MECR: variants seen among roughly 807,000 people sequenced by gnomAD.
MECR encodes the protein mitochondrial trans-2-enoyl-CoA reductase, also known as enoyl-[acyl-carrier-protein] reductase, mitochondrial.
MECR carries 37 observed loss-of-function variants against 49.1 expected under a neutral mutation model. That is an observed-to-expected ratio of 0.75 (90% CI 0.58 to 0.99). MECR has a LOEUF of 0.99. Ranked by LOEUF, MECR falls within the 50% of genes least tolerant of loss-of-function variation. MECR has a pLI of 0.00. For synonymous variants in MECR, 198 were observed against 191.1 expected (o/e 1.04, Z -0.30); for missense variants, 470 against 479.6 (o/e 0.98, Z 0.19).
At chr1:29,194,275 G>A (rs1673433829) in intron 9 of MECR, 96 bp from the exon 10 acceptor site, 1 of 1,364,270 alleles carries the variant, frequency 7.3e-7, no homozygotes, top group East Asian at 2.3e-5. Flanking sequence ...CTGGCACCAA[G>A]CTCCAATAAA....
the MECR span, among the ~76,000 whole-genome samples, chr1:29,174,185 C>T: frequency 7.7e-6 from 1 of 130,166 alleles, no homozygotes; most frequent in Non-Finnish European, 1.6e-5. Flanking sequence ...CAGATTGAGA[C>T]CCCATCTCAA....
At chr1:29,223,298 G>C in intron 1 of MECR, 1 of 985,414 alleles carries the variant, frequency 1.0e-6, no homozygotes, top group African/African-American at 1.7e-5. Context: ...GACAAAAGCA[G>C]GCAGAAGAAA....
At chr1:29,210,481 C>T (rs1019050584) in intron 3 of MECR, among the ~76,000 whole-genome samples, 12 of 152,190 alleles carry the variant, frequency 7.9e-5, no homozygotes, top group African/African-American at 2.9e-4. Context: ...TCTCAGCTAA[C>T]ACTTACTGTA....
the MECR span, among the ~76,000 whole-genome samples, chr1:29,185,002 T>C: frequency 6.7e-6 from 1 of 148,898 alleles, no homozygotes; most frequent in African/African-American, 2.5e-5. Context: ...GGCAGGCGCC[T>C]ATAATCCCAG....
chr1:29,181,660 C>G, the MECR span: 3 of 1,592,554 alleles, frequency 1.9e-6, no homozygotes, highest in Non-Finnish European at 2.6e-6. Context: ...TCTTCAGATC[C>G]ACCTCCAGGA....
chr1:29,199,219 C>T (rs1368205455), intron 7 of MECR, among the ~76,000 whole-genome samples: 1 of 152,116 alleles, frequency 6.6e-6, no homozygotes, highest in Non-Finnish European at 1.5e-5. Flanking sequence ...CACACTCTAG[C>T]TCAAGAAGCT....
the MECR span, chr1:29,171,520 A>G: frequency 6.6e-6 from 1 of 151,602 alleles, no homozygotes; most frequent in African/African-American, 2.4e-5. Context: ...CATCAGTACA[A>G]ACTAGGGACA....
At chr1:29,216,536 T>C in intron 2 of MECR, 52 bp downstream of exon 2, 1 of 1,542,276 alleles carries the variant, frequency 6.5e-7, no homozygotes, top group Non-Finnish European at 9.0e-7. Flanking sequence ...GAAAATGAGG[T>C]GGCAGCTGAA....
At chr1:29,227,018 G>T (rs1435516057) in intron 1 of MECR, among the ~76,000 whole-genome samples, 1 of 148,944 alleles carries the variant, frequency 6.7e-6, no homozygotes, top group Non-Finnish European at 1.5e-5. Context: ...GAGTGCAGTG[G>T]TGTGGTGCAA....
the MECR span, among the ~76,000 whole-genome samples, chr1:29,177,140 T>C: frequency 6.6e-6 from 1 of 152,148 alleles, no homozygotes; most frequent in Non-Finnish European, 1.5e-5. Flanking sequence ...TGGCTTATTA[T>C]AAAAAATAAA....
chr1:29,196,120 G>A, intron 8 of MECR, 78 bp downstream of exon 8: 1 of 1,599,566 alleles, frequency 6.3e-7, no homozygotes, highest in Non-Finnish European at 8.6e-7. Flanking sequence ...AGCTTAGACA[G>A]CTGTCGTGCC....
chr1:29,194,236 G>A (rs888707237), intron 9 of MECR, 57 bp from the exon 10 acceptor site: 2 of 1,540,996 alleles, frequency 1.3e-6, no homozygotes, highest in African/African-American at 2.7e-5. Flanking sequence ...TTGGTGAGAT[G>A]TGGCACGGGG....
Position 29,230,927 on chromosome 1 carries a change from A to T in MECR, c.-21T>A. On this transcript the variant is annotated 5_prime_UTR_variant, in exon 1 of 10. Transcript: ENST00000263702. ...CACATGCTCGCTCCAACCAACACAG[A>T]GCCTGACGCCCCGGCTACGTCATCT... 1 of 1,563,364 alleles carries T rather than the reference A, an allele frequency of 6.4e-7. No homozygotes were observed. Among genetic ancestry groups the T allele is most frequent in the Non-Finnish European group, 8.6e-7 (1 of 1,161,430 alleles).
the MECR span, among the ~76,000 whole-genome samples, chr1:29,187,035 G>C: frequency 1.3e-5 from 2 of 152,128 alleles, no homozygotes; most frequent in Admixed American, 6.5e-5. Flanking sequence ...CCTGCCTTCA[G>C]ATGCAAGCAG....
downstream of MECR, among the ~76,000 whole-genome samples, chr1:29,189,508 C>G (rs545386448): frequency 5.9e-5 from 9 of 152,318 alleles, no homozygotes; most frequent in Admixed American, 5.9e-4. Flanking sequence ...CCGCTGTGCC[C>G]GGACCGTCTG....
rs200007496 is a variant in MECR at position 29,196,017 on chromosome 1, C to T, written c.892-4G>A. 6.2e-7 allele frequency: 1 copy of T among 1,614,186 alleles called. No homozygotes were observed. The highest frequency in any genetic ancestry group is 2.2e-5 in the East Asian group (1 of 44,892). On this transcript the variant is annotated splice_polypyrimidine_tract_variant and splice_region_variant and intron_variant, in intron 8 of 9. Transcript: ENST00000263702. ...GATCCTTAAAAATGAGCAGGCTCTG[C>T]AGACACAGGAAGGACATGCTGGGCT...
At chr1:29,202,160 A>T (rs571500599) in intron 5 of MECR, 115 bp from the exon 6 acceptor site, 11 of 897,742 alleles carry the variant, frequency 1.2e-5, no homozygotes, top group Middle Eastern at 6.8e-4. Context: ...GGAAGCTGGG[A>T]TTAGGTTTAA....
At chr1:29,212,866 C>T (rs1326528909) in intron 3 of MECR, among the ~76,000 whole-genome samples, 2 of 152,236 alleles carry the variant, frequency 1.3e-5, no homozygotes, top group African/African-American at 2.4e-5. Context: ...CTCTCCCACT[C>T]GCACCCATGA....
the MECR span, chr1:29,181,728 G>A: frequency 6.3e-7 from 1 of 1,593,278 alleles, no homozygotes; most frequent in Non-Finnish European, 8.5e-7. Flanking sequence ...TGGTAGCTCA[G>A]GCGGCCGATG....
Sources: allele counts gnomAD v4.1 joint callset (sites outside exome capture counted in the v4.1 genomes callset), GRCh38; gene constraint gnomAD v4.1.1; transcripts MANE v1.5; gene names NCBI Gene and HGNC (gene_info 2026-07-23, HGNC 2026-07-21).